The following HSD17B11 variants were observed in gnomAD, a reference collection of about 807,000 sequenced individuals.
The protein encoded by HSD17B11 is hydroxysteroid 17-beta dehydrogenase 11, also known as estradiol 17-beta-dehydrogenase 11.
In HSD17B11, 22 loss-of-function variants were observed where a neutral mutation model predicts 27.8. That is an observed-to-expected ratio of 0.79 (90% CI 0.56 to 1.13). HSD17B11 has a LOEUF of 1.13. Among genes scored for constraint, HSD17B11 ranks in the 50% most tolerant of loss-of-function variants. The probability of loss-of-function intolerance (pLI) is 0.00; values close to 1 mark genes in which losing one functional copy is unlikely to be tolerated. For synonymous variants in HSD17B11, 117 were observed against 132.8 expected (o/e 0.88, Z 0.82); for missense variants, 314 against 351.1 (o/e 0.89, Z 0.84).
intron 2 of HSD17B11, among the ~76,000 whole-genome samples, chr4:87,381,708 G>A (rs116226045): frequency 0.037 from 5,555 of 148,880 alleles, 369 homozygotes; most frequent in African/African-American, 0.13. Flanking sequence ...GCAATGAATC[G>A]AGATCATGCC....
At chr4:87,376,722 A>G (rs1280329271) in intron 2 of HSD17B11, among the ~76,000 whole-genome samples, 2 of 152,202 alleles carry the variant, frequency 1.3e-5, no homozygotes, top group East Asian at 3.8e-4. Flanking sequence ...CCTTATGGCC[A>G]GATTTCAAAG....
intron 5 of HSD17B11, among the ~76,000 whole-genome samples, chr4:87,343,319 C>T (rs962368138): frequency 6.6e-6 from 1 of 151,970 alleles, no homozygotes; most frequent in Non-Finnish European, 1.5e-5. Context: ...TTTCCCAATA[C>T]GCTAAAGTTA....
chr4:87,383,558 T>C (rs543597959), intron 1 of HSD17B11, among the ~76,000 whole-genome samples: 5 of 152,208 alleles, frequency 3.3e-5, no homozygotes, highest in South Asian at 2.1e-4. Context: ...ATCTTTGCTT[T>C]CTAGTTTTGG....
chr4:87,370,238 GC>G (rs1247128868), intron 4 of HSD17B11, among the ~76,000 whole-genome samples: 8 of 152,232 alleles, frequency 5.3e-5, no homozygotes, highest in South Asian at 2.1e-4. Flanking sequence ...CATTCTGGAA[GC>G]TAAAATTAGA....
intron 2 of HSD17B11, among the ~76,000 whole-genome samples, chr4:87,379,759 G>C (rs1720080592): frequency 7.8e-6 from 1 of 128,792 alleles, no homozygotes; most frequent in South Asian, 2.3e-4. Flanking sequence ...GTATAATATA[G>C]TATAACAGTA....
chr4:87,373,130 A>C (rs1300576181), intron 3 of HSD17B11: 3 of 229,532 alleles, frequency 1.3e-5, no homozygotes, highest in African/African-American at 4.7e-5. Context: ...ACTTGAGGTC[A>C]GGAGTTCAAG....
chr4:87,357,305 A>G lies in HSD17B11; in HGVS notation c.669T>C (p.Thr223=). 6.2e-7 allele frequency: 1 copy of G among 1,612,328 alleles called. No individual in the cohort carries two copies. The highest frequency in any genetic ancestry group is 1.1e-5 in the South Asian group (1 of 90,460). The stretch of plus-strand genomic sequence containing the variant: ...TTGTACTTGGATTTTTGATGAAGCC[A>G]GTGTTTACGAAATTAGGACACAGAC... ...TTCLCPNFVN[T]GFIKNPSTSL... Residue 223 remains threonine (T), a synonymous_variant, in exon 5 of 7, where the codon ACT becomes ACC. Coordinates refer to ENST00000358290, the MANE Select transcript of HSD17B11 (RefSeq NM_016245.5).
At chr4:87,358,133 T>C (rs1735428242) in intron 4 of HSD17B11, among the ~76,000 whole-genome samples, 1 of 151,968 alleles carries the variant, frequency 6.6e-6, no homozygotes, top group African/African-American at 2.4e-5. Context: ...GGCTAATTTT[T>C]TGTATTTTTA....
chr4:87,357,556 CCACAT>C, intron 4 of HSD17B11, 140 bp from the exon 5 acceptor site: 1 of 671,148 alleles, frequency 1.5e-6, no homozygotes, highest in Non-Finnish European at 2.4e-6. Flanking sequence ...GCATCAGAGC[CCACAT>C]CTTACAAGAT....
At chr4:87,367,412 A>T (rs1045754942) in intron 4 of HSD17B11, among the ~76,000 whole-genome samples, 2 of 152,206 alleles carry the variant, frequency 1.3e-5, no homozygotes, top group African/African-American at 2.4e-5. Flanking sequence ...TACCCAACTC[A>T]TAGGTATTTA....
chr4:87,357,298 T>G lies in HSD17B11; in HGVS notation c.676A>C (p.Ile226Leu). ...LCPNFVNTGF[I>L]KNPSTSLGPT... ...ACTTACCTTGTACTTGGATTTTTGA[T>G]GAAGCCAGTGTTTACGAAATTAGGA... The change falls in exon 5 of 7, where the codon ATC (isoleucine) becomes CTC (leucine). Residue 226 changes from isoleucine to leucine, a missense_variant. Coordinates refer to ENST00000358290, the MANE Select transcript of HSD17B11 (RefSeq NM_016245.5). The G allele has an allele frequency of 1.2e-6, 2 of 1,611,980 alleles. No homozygotes were observed. Among genetic ancestry groups the G allele is most frequent in the Non-Finnish European group, 8.5e-7 (1 of 1,179,408 alleles).
intron 4 of HSD17B11, among the ~76,000 whole-genome samples, chr4:87,359,140 C>T (rs1300740833): frequency 1.3e-5 from 2 of 152,092 alleles, no homozygotes; most frequent in Admixed American, 1.3e-4. Flanking sequence ...TCCCCAGCCA[C>T]GCAGAACTGT....
At chr4:87,373,514 A>C (rs1735760733) in intron 3 of HSD17B11, among the ~76,000 whole-genome samples, 1 of 152,072 alleles carries the variant, frequency 6.6e-6, no homozygotes, top group African/African-American at 2.4e-5. Context: ...GCTCGAGATC[A>C]GCCTGTGCAA....
At chr4:87,369,887 A>G (rs1250752194) in intron 4 of HSD17B11, among the ~76,000 whole-genome samples, 1 of 152,266 alleles carries the variant, frequency 6.6e-6, no homozygotes, top group Non-Finnish European at 1.5e-5. Flanking sequence ...TCTTTTAAAA[A>G]TCAAAATACT....
At chr4:87,364,109 T>A (rs568617315) in intron 4 of HSD17B11, among the ~76,000 whole-genome samples, 18 of 151,836 alleles carry the variant, frequency 1.2e-4, no homozygotes, top group Non-Finnish European at 2.5e-4. Flanking sequence ...TGGAAAAAGG[T>A]TTTTTCTTCT....
At chr4:87,380,719 G>A (rs1389663340) in intron 2 of HSD17B11, among the ~76,000 whole-genome samples, 3 of 151,560 alleles carry the variant, frequency 2.0e-5, no homozygotes, top group East Asian at 2.0e-4. Context: ...TTAGCCAAGC[G>A]TGGTGACGGG....
rs191665140 is a variant in HSD17B11 at position 87,337,727 on chromosome 4, C to G, written c.813-361G>C. ...GGAACTAATTTTGTACTTTATAATG[C>G]AGAATATTATTAAAATGTTCCACTA... On this transcript the variant is annotated intron_variant, in intron 6 of 6. Transcript: ENST00000358290. Among the ~76,000 whole-genome samples the G allele has an allele frequency of 9.0e-4, 137 of 152,280 alleles. 1 individual carries two copies. The highest frequency in any genetic ancestry group is 9.0e-3 in the Admixed American group (137 of 15,290).
intron 1 of HSD17B11, among the ~76,000 whole-genome samples, chr4:87,384,281 G>A (rs766339912): frequency 2.7e-4 from 41 of 152,096 alleles, no homozygotes; most frequent in Admixed American, 5.2e-4. Flanking sequence ...GAGGATGTAC[G>A]TCACCTCAGG....
chr4:87,359,738 G>C (rs1735470416), intron 4 of HSD17B11, among the ~76,000 whole-genome samples: 1 of 152,124 alleles, frequency 6.6e-6, no homozygotes, highest in Admixed American at 6.5e-5. Context: ...TTACCAAAGA[G>C]GAAACTGAGG....
Sources: gnomAD v4.1 joint callset for allele counts (sites outside exome capture counted in the v4.1 genomes callset) on GRCh38, gnomAD v4.1.1 for gene constraint, MANE v1.5 for transcripts, NCBI Gene and HGNC (gene_info 2026-07-23, HGNC 2026-07-21) for gene names.